ZNF282: variants seen among roughly 807,000 people sequenced by gnomAD.
ZNF282 encodes HTLV-I U5 repressive element-binding protein 1.
A neutral mutation model predicts 61.9 loss-of-function variants in ZNF282; 30 were observed. That is an observed-to-expected ratio of 0.48 (90% CI 0.36 to 0.66). ZNF282 has a LOEUF of 0.66. Ranked by LOEUF, ZNF282 falls within the 30% of genes least tolerant of loss-of-function variation. The pLI is 0.00. For missense variants in ZNF282, 788 were observed against 941.4 expected (o/e 0.84, Z 2.13); for synonymous variants, 396 against 405.0 (o/e 0.98, Z 0.27).
At position 149,198,767 on chromosome 7, in the gene ZNF282, C is replaced by A. The variant is rs887441067; in HGVS notation, c.585+15C>A. 1 of 1,607,516 alleles carries A rather than the reference C, an allele frequency of 6.2e-7. No homozygotes were observed. The highest frequency in any genetic ancestry group is 8.5e-7 in the Non-Finnish European group (1 of 1,177,054). ...AGGCCCCCAAGGTATGTGGTGGTCCCTGGGGCAGGGATAGAGGTGAGGAAC... is the reference window on the plus strand; with the variant it reads ...AGGCCCCCAAGGTATGTGGTGGTCCATGGGGCAGGGATAGAGGTGAGGAAC... On this transcript the variant is annotated intron_variant, in intron 2 of 7. Coordinates refer to ENST00000610704, the MANE Select transcript of ZNF282 (RefSeq NM_003575.4). This position sits in a 1 kb window ranked among gnomAD's most constrained non-coding sequence, Gnocchi z 4.3.
chr7:149,207,532 C>T (rs7784122), intron 4 of ZNF282, 62 bp downstream of exon 4: 956,050 of 1,543,776 alleles, frequency 0.62, 306,492 homozygotes, highest in East Asian at 0.93. Flanking sequence ...GCCGGCTTTC[C>T]GCACACTGCT....
In ZNF282 at chr7:149,224,151, G is replaced by A. The variant is rs767915527; in HGVS notation, c.1520G>A (p.Ser507Asn). 56 of 1,536,874 alleles carry A rather than the reference G, an allele frequency of 3.6e-5. No individual in the cohort carries two copies. The Middle Eastern group carries it at 1.2e-3, about 33-fold the overall frequency. The change falls in exon 8 of 8, where the codon AGC becomes AAC. Residue 507 changes from serine (S) to asparagine (N), a missense_variant. This residue lies in a region of ZNF282 where 559 missense variants were observed against 642.0 expected (regional missense o/e 0.87). Coordinates refer to ENST00000610704, the MANE Select transcript of ZNF282 (RefSeq NM_003575.4). ...GSCCPGGLRR[S>N]LLLHGARSKP... ...TGCTGCCCTGGCGGGCTGCGGCGGAGCCTCCTCCTGCACGGCGCCCGCAGC... is the reference window on the plus strand; with the variant it reads ...TGCTGCCCTGGCGGGCTGCGGCGGAACCTCCTCCTGCACGGCGCCCGCAGC...
chr7:149,199,186 A>AG (rs1293742846), intron 2 of ZNF282, among the ~76,000 whole-genome samples: 5 of 152,104 alleles, frequency 3.3e-5, no homozygotes, highest in South Asian at 4.2e-4. Flanking sequence ...CACTTATCTC[A>AG]GGGGGGCCCT....
At chr7:149,220,136 C>T (rs1439703813) in intron 7 of ZNF282, among the ~76,000 whole-genome samples, 2 of 152,028 alleles carry the variant, frequency 1.3e-5, no homozygotes, top group Non-Finnish European at 2.9e-5. Flanking sequence ...AAGCCGGGCA[C>T]GGTGGCTCAC....
chr7:149,203,236 G>A (rs138627350), intron 2 of ZNF282, among the ~76,000 whole-genome samples: 41 of 152,336 alleles, frequency 2.7e-4, no homozygotes, highest in Non-Finnish European at 4.4e-4. Flanking sequence ...TGTTCTGTGC[G>A]CTGCATTAGG....
intron 4 of ZNF282, 142 bp from the exon 5 acceptor site, chr7:149,210,443 C>T: frequency 7.1e-7 from 1 of 1,405,826 alleles, no homozygotes; most frequent in Non-Finnish European, 9.7e-7. Context: ...GTGCTGTCAG[C>T]CATGCTTCTG....
At position 149,226,069 on chromosome 7, in the gene ZNF282, C is replaced by T. The variant is rs1171648396; in HGVS notation, c.*1422C>T. The T allele has an allele frequency of 1.3e-5, 2 of 152,690 alleles. No homozygotes were observed. Among genetic ancestry groups the T allele is most frequent in the African/African-American group, 4.8e-5 (2 of 41,472 alleles). The allele number at this position is 152,690 out of a possible 1,614,324, so 9.5% of individuals were successfully genotyped here. ...CACCCGGCACCACTTTGGCGAGCGTCCTGCTTCCGCCCTCGCCCTCATCTA... is the reference window on the plus strand; with the variant it reads ...CACCCGGCACCACTTTGGCGAGCGTTCTGCTTCCGCCCTCGCCCTCATCTA... On this transcript the variant is annotated 3_prime_UTR_variant, in exon 8 of 8. Coordinates refer to ENST00000610704, the MANE Select transcript of ZNF282 (RefSeq NM_003575.4).
intron 3 of ZNF282, 86 bp downstream of exon 3, chr7:149,206,908 C>A: frequency 6.6e-7 from 1 of 1,526,236 alleles, no homozygotes; most frequent in South Asian, 1.2e-5. Context: ...ACCGCCTAGG[C>A]AGGTTGTTTC....
chr7:149,205,861 C>T (rs181517159), intron 2 of ZNF282, among the ~76,000 whole-genome samples: 5 of 152,136 alleles, frequency 3.3e-5, no homozygotes, highest in Admixed American at 6.5e-5. Flanking sequence ...GATTTCAGAC[C>T]GAGAGTGAAA....
In ZNF282 at chr7:149,223,883, C is replaced by A; in HGVS notation, c.1252C>A (p.Gln418Lys). The change falls in exon 8 of 8, where the codon CAG becomes AAG. Residue 418 changes from glutamine to lysine, a missense_variant. Around this residue, in one of 3 missense-constraint regions of ZNF282, gnomAD observed 559 missense variants for 642.0 expected, o/e 0.87. Transcript: ENST00000610704. ...PQPQPQPQPP[Q>K]PQLQSQPQPQ... ...GCCCCAGCCCCAGCCCCAGCCACCG[C>A]AGCCGCAGCTGCAGTCGCAGCCCCA... 7.0e-7 allele frequency: 1 copy of A among 1,434,948 alleles called. No homozygotes were observed. The highest frequency in any genetic ancestry group is 9.1e-7 in the Non-Finnish European group (1 of 1,099,644). 88.9% of individuals were successfully genotyped at this position (1,434,948 alleles called of 1,614,324 possible).
intron 7 of ZNF282, among the ~76,000 whole-genome samples, chr7:149,223,533 T>A (rs1430085773): frequency 3.9e-5 from 6 of 152,108 alleles, no homozygotes; most frequent in African/African-American, 1.4e-4. Context: ...CAAAATGACT[T>A]CTGGACAGCA....
intron 1 of ZNF282, among the ~76,000 whole-genome samples, chr7:149,196,046 A>T (rs578039154): frequency 6.6e-6 from 1 of 151,780 alleles, no homozygotes; most frequent in East Asian, 1.9e-4. Context: ...CCTTTCCGGG[A>T]CCTGGCAGAG....
At chr7:149,221,453 G>T (rs1226795677) in intron 7 of ZNF282, among the ~76,000 whole-genome samples, 1 of 152,206 alleles carries the variant, frequency 6.6e-6, no homozygotes. Flanking sequence ...GAGTAGGACT[G>T]CCTTAGGTGG....
intron 6 of ZNF282, among the ~76,000 whole-genome samples, chr7:149,213,124 T>G (rs1796111938): frequency 6.6e-6 from 1 of 152,186 alleles, no homozygotes. Context: ...AGAAGTCCAG[T>G]GTCATTGCCT....
chr7:149,205,106 G>C (rs909145966), intron 2 of ZNF282, among the ~76,000 whole-genome samples: 1 of 151,824 alleles, frequency 6.6e-6, no homozygotes. Context: ...CCAGCCTGGA[G>C]ACAGAGCGAG....
rs779224807 is a variant in ZNF282, at chr7:149,224,447, C to T, written c.1816C>T (p.Leu606=). The part of the protein sequence containing the change: ...HTGERPFQCA[L]CGKSFIRKQN... ...GGGCGAGCGGCCTTTCCAATGTGCA[C>T]TGTGCGGCAAGAGCTTCATCCGCAA... Residue 606 remains leucine (L), a synonymous_variant, in exon 8 of 8, where the codon CTG becomes TTG. Coordinates refer to ENST00000610704, the MANE Select transcript of ZNF282 (RefSeq NM_003575.4). 2 of 1,613,040 alleles carry T rather than the reference C, an allele frequency of 1.2e-6. No homozygotes were observed. Among genetic ancestry groups the T allele is most frequent in the African/African-American group, 1.3e-5 (1 of 74,694 alleles).
Position 149,207,411 on chromosome 7 carries a change from C to G in ZNF282, c.773C>G (p.Pro258Arg), listed in dbSNP as rs889324522. 3.8e-6 allele frequency: 6 copies of G among 1,576,272 alleles called. No individual in the cohort carries two copies. The African/African-American group carries it at 8.1e-5, about 21-fold the overall frequency. The change falls in exon 4 of 8, where the codon CCT becomes CGT. Residue 258 changes from proline (P) to arginine (R), a missense_variant. Pro to Arg is a moderately radical substitution (Grantham distance 103). Coordinates refer to ENST00000610704, the MANE Select transcript of ZNF282 (RefSeq NM_003575.4). ...APVQAEPREE[P>R]CVWEQRHPEE... Reference sequence around the variant, plus strand: ...GTCCAGGCTGAGCCCAGGGAAGAACCTTGTGTGTGGGAGCAGCGCCACCCC... The same window carrying G: ...GTCCAGGCTGAGCCCAGGGAAGAACGTTGTGTGTGGGAGCAGCGCCACCCC...
Position 149,224,035 on chromosome 7 carries a change from G to A in ZNF282, c.1404G>A (p.Gly468=). The A allele has an allele frequency of 8.3e-7, 1 of 1,198,260 alleles. No individual in the cohort carries two copies. Among genetic ancestry groups the A allele is most frequent in the Non-Finnish European group, 1.0e-6 (1 of 966,420 alleles). The allele number at this position is 1,198,260 out of a possible 1,614,324, so 74.2% of individuals were successfully genotyped here. ...ERGSGEAPPG[G]DRSTGGGGGD... ...GCTCCGGCGAGGCGCCGCCGGGTGG[G>A]GACCGCAGCACCGGGGGCGGCGGGG... Residue 468 remains glycine (G), a synonymous_variant, in exon 8 of 8, where the codon GGG becomes GGA. Coordinates refer to ENST00000610704, the MANE Select transcript of ZNF282 (RefSeq NM_003575.4).
chr7:149,206,692 T>C lies in ZNF282; in HGVS notation c.586-4T>C, dbSNP rs1172156965. ...GGCGCTAGATTAACCGCTTGTTGGC[T>C]TAGGTTCCAGTGACTTTTGTCGACA... On this transcript the variant is annotated splice_polypyrimidine_tract_variant and splice_region_variant and intron_variant, in intron 2 of 7. Transcript: ENST00000610704. The C allele has an allele frequency of 2.5e-6, 4 of 1,613,992 alleles. No homozygotes were observed. In the African/African-American group the frequency reaches 5.3e-5, roughly 22 times the overall value.
Sources: gnomAD v4.1 joint callset for allele counts (sites outside exome capture counted in the v4.1 genomes callset) on GRCh38, gnomAD v4.1.1 for gene constraint, gnomAD v4.1.1 regional missense constraint, Gnocchi (gnomAD v3.1) non-coding constraint, MANE v1.5 for transcripts, NCBI Gene and HGNC (gene_info 2026-07-23, HGNC 2026-07-21) for gene names.